Variants in HERC1 observed in about 807,000 individuals in gnomAD.
HERC1 encodes the protein probable E3 ubiquitin-protein ligase HERC1.
Under a neutral mutation model 554.3 loss-of-function variants are expected in HERC1, and 160 were observed. The observed-to-expected ratio is 0.29, with a 90% CI of 0.25 to 0.33. The LOEUF (loss-of-function observed/expected upper bound fraction) is 0.33. HERC1 is among the 10% of genes least tolerant of loss of function. The probability of loss-of-function intolerance (pLI) is 1.00; values close to 1 mark genes in which losing one functional copy is unlikely to be tolerated. For missense variants in HERC1, 4,919 were observed against 5,918.5 expected (o/e 0.83, Z 5.54); for synonymous variants, 2,175 against 2,131.7 (o/e 1.02, Z -0.56).
chr15:63,732,051 G>C (rs112433998), intron 14 of HERC1, among the ~76,000 whole-genome samples: 64 of 152,158 alleles, frequency 4.2e-4, no homozygotes, highest in Admixed American at 7.2e-4. Flanking sequence ...ACCCAGGCTG[G>C]AGTGCAGTGG....
intron 8 of HERC1, 103 bp downstream of exon 8, chr15:63,752,855 A>C (rs1274371783): frequency 3.6e-6 from 4 of 1,116,110 alleles, no homozygotes; most frequent in Non-Finnish European, 3.8e-6. Flanking sequence ...GTTGCCTAAA[A>C]ATGTATTTAT....
At chr15:63,744,245 C>T (rs984751782) in intron 12 of HERC1, among the ~76,000 whole-genome samples, 4 of 151,402 alleles carry the variant, frequency 2.6e-5, no homozygotes, top group African/African-American at 4.9e-5. Context: ...CACAAGCACC[C>T]CTGTGGCCAA....
intron 1 of HERC1, among the ~76,000 whole-genome samples, chr15:63,778,274 G>A (rs1191279931): frequency 6.6e-6 from 1 of 152,156 alleles, no homozygotes; most frequent in Admixed American, 6.6e-5. Context: ...AGTGAAGGGG[G>A]CTAAAAATGA....
At chr15:63,688,790 G>A (rs540232012) in intron 33 of HERC1, among the ~76,000 whole-genome samples, 5 of 152,244 alleles carry the variant, frequency 3.3e-5, no homozygotes, top group Middle Eastern at 3.4e-3. Context: ...TATATGCATG[G>A]GGACATTATG....
intron 30 of HERC1, among the ~76,000 whole-genome samples, chr15:63,693,477 C>G (rs371582209): frequency 7.2e-5 from 11 of 152,194 alleles, no homozygotes; most frequent in East Asian, 3.9e-4. Context: ...CTCCTGGGCT[C>G]AAGCAATCCA....
At chr15:63,765,160 T>A (rs2142472937) in intron 2 of HERC1, among the ~76,000 whole-genome samples, 1 of 152,282 alleles carries the variant, frequency 6.6e-6, no homozygotes, top group East Asian at 1.9e-4. Context: ...TTATATAAAA[T>A]GCCTATCTAC....
At chr15:63,778,779 T>A (rs1344420575) in intron 1 of HERC1, among the ~76,000 whole-genome samples, 1 of 152,084 alleles carries the variant, frequency 6.6e-6, no homozygotes, top group Non-Finnish European at 1.5e-5. Flanking sequence ...CAAAACAAAA[T>A]TAAATTTTAC....
At chr15:63,617,262 T>A (rs973723254) in intron 74 of HERC1, among the ~76,000 whole-genome samples, 1 of 152,214 alleles carries the variant, frequency 6.6e-6, no homozygotes, top group African/African-American at 2.4e-5. Context: ...CACGAAGTGT[T>A]TGGTTTTTTG....
In HERC1 at chr15:63,775,294, G is replaced by A. The variant is rs1303933648; in HGVS notation, c.330C>T (p.Leu110=). 1 of 1,614,010 alleles carries A rather than the reference G, an allele frequency of 6.2e-7. No homozygotes were observed. The highest frequency in any genetic ancestry group is 8.5e-7 in the Non-Finnish European group (1 of 1,179,902). Residue 110 remains leucine, a synonymous_variant, in exon 2 of 78, where the codon CTC becomes CTT. Transcript: ENST00000443617. The surrounding 1 kb of genome is among the most constrained non-coding windows in gnomAD (Gnocchi z 4.0). Reference sequence around the variant, plus strand: ...TAGAAAGTGCATAAAAGACACGCTGGAGTACAAGCAGTCGTTTTCTAAGTG... The same window carrying A: ...TAGAAAGTGCATAAAAGACACGCTGAAGTACAAGCAGTCGTTTTCTAAGTG... The part of the protein sequence containing the change: ...AGALRKRLLV[L]QRVFYALSNK...
chr15:63,655,789 C>G lies in HERC1; in HGVS notation c.10037G>C (p.Gly3346Ala). 1 of 1,575,508 alleles carries G rather than the reference C, an allele frequency of 6.3e-7. No individual in the cohort carries two copies. Among genetic ancestry groups the G allele is most frequent in the Non-Finnish European group, 8.6e-7 (1 of 1,159,154 alleles). ...ATCATAGTTAGGTCTTAGTTTGGCCCCTTTGTCTGCTAGCAATGCCACAAG... is the reference window on the plus strand; with the variant it reads ...ATCATAGTTAGGTCTTAGTTTGGCCGCTTTGTCTGCTAGCAATGCCACAAG... ...QALVALLADK[G>A]AKLRPNYDKS... Residue 3346 changes from glycine to alanine, a missense_variant, in exon 50 of 78, where the codon GGG (glycine) becomes GCG (alanine). By Grantham distance (60) the Gly-to-Ala change is moderately conservative (BLOSUM62 0). Around this residue, in one of 11 missense-constraint regions of HERC1, gnomAD observed 1,963 missense variants for 2,228.6 expected, o/e 0.88. Transcript: ENST00000443617.
rs533238752 is a variant in HERC1 at position 63,637,415 on chromosome 15, AGCAAAGGTTTGAGAAGG to A, written c.12232+73_12232+89del. 1,109 of 1,071,576 alleles carry A rather than the reference AGCAAAGGTTTGAGAAGG, an allele frequency of 1.0e-3. 18 individuals carry two copies. The East Asian group carries it at 0.025, about 24-fold the overall frequency. The allele number at this position is 1,071,576 out of a possible 1,614,324, so 66.4% of individuals were successfully genotyped here. ...GTGAAAACCTGATATGATTTTATCT[AGCAAAGGTTTGAGAAGG>A]GCAAAGGTTTGTACGACCAAACCTA... is the stretch of plus-strand genomic sequence containing the variant. On this transcript the variant is annotated intron_variant, in intron 64 of 77. Coordinates refer to ENST00000443617, the MANE Select transcript of HERC1 (RefSeq NM_003922.4).
intron 1 of HERC1, among the ~76,000 whole-genome samples, chr15:63,823,833 T>C (rs1412327550): frequency 1.3e-5 from 2 of 152,228 alleles, no homozygotes; most frequent in Non-Finnish European, 2.9e-5. Flanking sequence ...GAGACATTTC[T>C]GCATAGCAAA....
intron 24 of HERC1, among the ~76,000 whole-genome samples, chr15:63,707,726 C>G (rs965614437): frequency 5.3e-5 from 8 of 151,778 alleles, no homozygotes; most frequent in Admixed American, 5.3e-4. Flanking sequence ...GCCAGGAGTT[C>G]GAGACCAGCC....
In HERC1 at chr15:63,659,774, G is replaced by A. The variant is rs1265227728; in HGVS notation, c.9386C>T (p.Thr3129Ile). The A allele has an allele frequency of 6.2e-7, 1 of 1,613,782 alleles. No individual in the cohort carries two copies. Among genetic ancestry groups the A allele is most frequent in the Non-Finnish European group, 8.5e-7 (1 of 1,179,828 alleles). ...DPLGASVAMVTATNSMEETLM... is the reference protein window; with the variant it reads ...DPLGASVAMVIATNSMEETLM... ...AGTCTCTTCCATACTGTTGGTGGCT[G>A]TGACCATTGCTACTGATGCTCCCAG... is the stretch of plus-strand genomic sequence containing the variant. The change falls in exon 47 of 78, where the codon ACA becomes ATA. Residue 3129 changes from threonine to isoleucine, a missense_variant. Physicochemically the swap from Thr to Ile is moderately conservative, Grantham distance 89. Around this residue, in one of 11 missense-constraint regions of HERC1, gnomAD observed 1,963 missense variants for 2,228.6 expected, o/e 0.88. Transcript: ENST00000443617.
intron 3 of HERC1, among the ~76,000 whole-genome samples, chr15:63,759,309 T>C (rs2142156866): frequency 6.6e-6 from 1 of 152,276 alleles, no homozygotes; most frequent in African/African-American, 2.4e-5. Flanking sequence ...CACGTATATC[T>C]GAATATATAA....
At chr15:63,833,630 G>T (rs1392317896) in intron 1 of HERC1, among the ~76,000 whole-genome samples, 197 bp downstream of exon 1, 1 of 151,822 alleles carries the variant, frequency 6.6e-6, no homozygotes, top group Non-Finnish European at 1.5e-5. Flanking sequence ...GATCCGCGGC[G>T]CGCCAGGAGG....
chr15:63,680,694 C>G lies in HERC1; in HGVS notation c.6308G>C (p.Arg2103Pro). The part of the protein sequence containing the change: ...SRWPVHDFNH[R>P]TTSDMWLYRA... ...ATAGAGCCACATATCCGAGGTAGTG[C>G]GGTGATTAAAGTCATGTACTGGCCA... is the stretch of plus-strand genomic sequence containing the variant. The change falls in exon 35 of 78, where the codon CGC becomes CCC. Residue 2103 changes from arginine (R) to proline (P), a missense_variant. By Grantham distance (103) the Arg-to-Pro change is moderately radical. Around this residue, in one of 11 missense-constraint regions of HERC1, gnomAD observed 85 missense variants for 163.2 expected, o/e 0.52. Transcript: ENST00000443617. The surrounding 1 kb of genome is among the most constrained non-coding windows in gnomAD (Gnocchi z 5.8). 6.2e-7 allele frequency: 1 copy of G among 1,613,590 alleles called. No homozygotes were observed. Among genetic ancestry groups the G allele is most frequent in the Non-Finnish European group, 8.5e-7 (1 of 1,179,634 alleles).
intron 41 of HERC1, 68 bp from the exon 42 acceptor site, chr15:63,666,218 G>A (rs926182392): frequency 3.5e-6 from 5 of 1,427,782 alleles, no homozygotes; most frequent in African/African-American, 2.9e-5. Flanking sequence ...TTATAAGAGT[G>A]TTTGCTATGA....
At chr15:63,760,983 G>C (rs2075592839) in intron 3 of HERC1, among the ~76,000 whole-genome samples, 1 of 152,126 alleles carries the variant, frequency 6.6e-6, no homozygotes, top group African/African-American at 2.4e-5. Context: ...TTTGGACTTT[G>C]ACAGTAACAG....
Sources: gnomAD v4.1 joint callset for allele counts (sites outside exome capture counted in the v4.1 genomes callset) on GRCh38, gnomAD v4.1.1 for gene constraint, gnomAD v4.1.1 regional missense constraint, Gnocchi (gnomAD v3.1) non-coding constraint, MANE v1.5 for transcripts, NCBI Gene and HGNC (gene_info 2026-07-23, HGNC 2026-07-21) for gene names.